VPS8: variants seen among roughly 807,000 people sequenced by gnomAD.
VPS8 encodes the protein VPS8 subunit of CORVET complex, also known as vacuolar protein sorting-associated protein 8 homolog.
A neutral mutation model predicts 216.4 loss-of-function variants in VPS8; 129 were observed. That is an observed-to-expected ratio of 0.60 (90% CI 0.52 to 0.69). The LOEUF is 0.69. Among genes scored for constraint, VPS8 ranks in the 30% least tolerant of loss-of-function variants. VPS8 has a pLI of 0.00. For missense variants in VPS8, 1,531 were observed against 1,683.5 expected, an observed-to-expected ratio of 0.91 and a Z score of 1.59; for synonymous variants, 571 against 565.4, an observed-to-expected ratio of 1.01 and a Z score of -0.14.
At chr3:184,962,249 G>A (rs1403645849) in intron 37 of VPS8, among the ~76,000 whole-genome samples, 1 of 152,028 alleles carries the variant, frequency 6.6e-6, no homozygotes, top group Non-Finnish European at 1.5e-5. Flanking sequence ...ATATCTTCTT[G>A]TGTGCCCATA....
intron 17 of VPS8, 92 bp downstream of exon 17, chr3:184,867,042 A>G: frequency 8.6e-7 from 1 of 1,158,634 alleles, no homozygotes; most frequent in Non-Finnish European, 1.2e-6. Context: ...GTATATTGCA[A>G]AGTGAATATT....
intron 4 of VPS8, among the ~76,000 whole-genome samples, 172 bp downstream of exon 4, chr3:184,832,991 A>G (rs180672291): frequency 7.9e-5 from 12 of 152,274 alleles, no homozygotes; most frequent in African/African-American, 2.4e-4. Flanking sequence ...GTAAAAGGGT[A>G]GGTGCTATGA....
intron 5 of VPS8, chr3:184,836,396 G>A (rs1721096537): frequency 6.8e-6 from 3 of 438,830 alleles, no homozygotes; most frequent in Non-Finnish European, 1.4e-5. Flanking sequence ...ACCCACCTGT[G>A]CAGTTTTAAA....
At chr3:185,039,865 A>G (rs1759407680) in intron 46 of VPS8, among the ~76,000 whole-genome samples, 1 of 152,108 alleles carries the variant, frequency 6.6e-6, no homozygotes, top group Non-Finnish European at 1.5e-5. Flanking sequence ...CTTCTAGCCA[A>G]TTTCAACCTG....
intron 35 of VPS8, among the ~76,000 whole-genome samples, chr3:184,937,097 C>A (rs1201499159): frequency 6.6e-6 from 1 of 152,182 alleles, no homozygotes; most frequent in Non-Finnish European, 1.5e-5. Context: ...TGAAATTGTG[C>A]TGTTTAGAAT....
At chr3:185,004,529 A>G (rs1753965007) in intron 45 of VPS8, among the ~76,000 whole-genome samples, 1 of 28,710 alleles carries the variant, frequency 3.5e-5, no homozygotes, top group Non-Finnish European at 4.1e-4. Flanking sequence ...GGAGAGGGAG[A>G]GCTCTTTTTT....
At chr3:184,948,562 ACG>A (rs1462362678) in intron 36 of VPS8, among the ~76,000 whole-genome samples, 1 of 152,186 alleles carries the variant, frequency 6.6e-6, no homozygotes, top group East Asian at 1.9e-4. Context: ...AAGTCAAGCC[ACG>A]GACTTTACCA....
At chr3:184,894,515 T>TATATATATATATATAC (rs1732995422) in intron 22 of VPS8, among the ~76,000 whole-genome samples, 188 bp from the exon 23 acceptor site, 1 of 134,596 alleles carries the variant, frequency 7.4e-6, no homozygotes. Flanking sequence ...CACGTATATA[T>TATATATATATATATAC]ATATATATAT....
intron 22 of VPS8, among the ~76,000 whole-genome samples, chr3:184,893,806 T>C (rs939425300): frequency 1.3e-5 from 2 of 152,232 alleles, no homozygotes; most frequent in African/African-American, 4.8e-5. Flanking sequence ...ATACTGGAAA[T>C]AAGTAATATA....
At chr3:184,823,426 A>G (rs1204240572) in intron 1 of VPS8, among the ~76,000 whole-genome samples, 1 of 152,164 alleles carries the variant, frequency 6.6e-6, no homozygotes, top group Non-Finnish European at 1.5e-5. Context: ...CTTTACTAAC[A>G]TACACAATCT....
chr3:184,873,490 G>A (rs560873159), intron 21 of VPS8, among the ~76,000 whole-genome samples: 1 of 152,156 alleles, frequency 6.6e-6, no homozygotes, highest in Non-Finnish European at 1.5e-5. Context: ...AACTCTGTAA[G>A]GTGGCTACTG....
rs540694138 is a variant in VPS8, at chr3:184,997,047, G to A, written c.3836+546G>A. ...GTTTGAAATGTACTGTTAGACATCA[G>A]GTAGGGATGCCAGCTAGACAGTTAT... On this transcript the variant is annotated intron_variant, in intron 44 of 47. Transcript: ENST00000625842. 1.4e-4 allele frequency among the ~76,000 whole-genome samples: 21 copies of A among 152,352 alleles called. No individual in the cohort carries two copies. In the South Asian group the frequency reaches 1.4e-3, roughly 11 times the overall value.
At chr3:184,835,079 G>GTT (rs369827119) in intron 5 of VPS8, 4 of 157,248 alleles carry the variant, frequency 2.5e-5, no homozygotes, top group East Asian at 1.7e-4. Flanking sequence ...TTGTGTGCTT[G>GTT]TTTTTTTTTT....
chr3:184,941,122 A>C (rs1742604077), intron 36 of VPS8, among the ~76,000 whole-genome samples: 1 of 152,238 alleles, frequency 6.6e-6, no homozygotes. Context: ...CATTGAAAAC[A>C]ACTATTTACT....
intron 39 of VPS8, among the ~76,000 whole-genome samples, chr3:184,969,418 ACC>A (rs63382562): frequency 0.09 from 4,296 of 47,838 alleles, 269 homozygotes; most frequent in Non-Finnish European, 0.093. Context: ...ACCCAGCCCC[ACC>A]CCCCCCCCTT....
intron 10 of VPS8, 42 bp downstream of exon 10, chr3:184,850,064 G>T (rs775529191): frequency 4.0e-6 from 6 of 1,508,640 alleles, no homozygotes; most frequent in Non-Finnish European, 3.6e-6. Context: ...TTTTTATTAT[G>T]CCTTTGTGTT....
intron 7 of VPS8, 92 bp downstream of exon 7, chr3:184,839,844 A>T: frequency 6.8e-7 from 1 of 1,471,570 alleles, no homozygotes; most frequent in Non-Finnish European, 9.0e-7. Flanking sequence ...AGTGTACTTG[A>T]TTTTCTTGAA....
At chr3:184,930,426 T>C (rs1263073530) in intron 33 of VPS8, 44 bp from the exon 34 acceptor site, 10 of 1,452,670 alleles carry the variant, frequency 6.9e-6, no homozygotes, top group Non-Finnish European at 7.7e-6. Context: ...GGACTAAATC[T>C]TGAGTGAGTG....
chr3:184,865,177 C>A (rs1276475466), intron 16 of VPS8, among the ~76,000 whole-genome samples: 1 of 152,154 alleles, frequency 6.6e-6, no homozygotes, highest in Non-Finnish European at 1.5e-5. Flanking sequence ...AACTGTGAGA[C>A]CACATCAGAT....
Sources: allele counts gnomAD v4.1 joint callset (sites outside exome capture counted in the v4.1 genomes callset), GRCh38; gene constraint gnomAD v4.1.1; transcripts MANE v1.5; gene names NCBI Gene and HGNC (gene_info 2026-07-23, HGNC 2026-07-21).